LRMDA: variants seen among roughly 807,000 people sequenced by gnomAD.
LRMDA encodes leucine rich melanocyte differentiation associated.
In LRMDA, 18 loss-of-function variants were observed where a neutral mutation model predicts 29.8. The ratio of observed to expected loss-of-function variants is 0.60; its 90% confidence interval spans 0.42 to 0.90. The LOEUF is 0.90. Ranked by LOEUF, LRMDA falls within the 40% of genes least tolerant of loss-of-function variation. LRMDA has a pLI of 0.00. For synonymous variants in LRMDA, 125 were observed against 109.4 expected (o/e 1.14, Z -0.89); for missense variants, 273 against 273.9 (o/e 1.00, Z 0.02).
intron 6 of LRMDA, among the ~76,000 whole-genome samples, chr10:76,462,832 T>C (rs537257324): frequency 2.0e-5 from 3 of 152,264 alleles, no homozygotes; most frequent in Admixed American, 2.0e-4. Context: ...CAGCGAGTGT[T>C]TCCTATAGTG....
intron 5 of LRMDA, among the ~76,000 whole-genome samples, chr10:76,265,455 G>A (rs1247471): frequency 0.57 from 86,186 of 151,968 alleles, 25,478 homozygotes; most frequent in East Asian, 0.79. Context: ...CAGCGCAGCC[G>A]AATTCTGCCT....
At chr10:75,728,201 C>G (rs1159598192) in intron 2 of LRMDA, among the ~76,000 whole-genome samples, 2 of 152,088 alleles carry the variant, frequency 1.3e-5, no homozygotes, top group African/African-American at 4.8e-5. Context: ...GTGCTTTTTT[C>G]CATGACACTA....
intron 6 of LRMDA, among the ~76,000 whole-genome samples, chr10:76,377,438 T>C (rs754850631): frequency 2.0e-5 from 3 of 152,214 alleles, no homozygotes; most frequent in Non-Finnish European, 2.9e-5. Flanking sequence ...TGCATTTGAT[T>C]TGGGGCTCTT....
At chr10:75,978,528 G>A (rs1053444430) in intron 2 of LRMDA, among the ~76,000 whole-genome samples, 3 of 152,144 alleles carry the variant, frequency 2.0e-5, no homozygotes, top group African/African-American at 7.2e-5. Context: ...AAAGGAAAAT[G>A]GAATCGTTTA....
At chr10:75,737,867 TGA>T (rs1446526135) in intron 2 of LRMDA, among the ~76,000 whole-genome samples, 4 of 152,128 alleles carry the variant, frequency 2.6e-5, no homozygotes, top group Admixed American at 1.3e-4. Context: ...CTGGGTGAAG[TGA>T]GTTTTTACAG....
chr10:75,726,315 T>C (rs1372374017), intron 2 of LRMDA, among the ~76,000 whole-genome samples: 1 of 152,168 alleles, frequency 6.6e-6, no homozygotes, highest in Non-Finnish European at 1.5e-5. Flanking sequence ...CCCAGTGGTA[T>C]AGTTAAGGAC....
At chr10:76,398,485 A>T (rs1374914516) in intron 6 of LRMDA, among the ~76,000 whole-genome samples, 1 of 152,170 alleles carries the variant, frequency 6.6e-6, no homozygotes, top group East Asian at 1.9e-4. Flanking sequence ...ACGACCCTCA[A>T]AGGGGCAATT....
At chr10:76,336,768 T>C (rs10824403) in intron 6 of LRMDA, among the ~76,000 whole-genome samples, 16,094 of 152,246 alleles carry the variant, frequency 0.11, 1,000 homozygotes, top group East Asian at 0.32. Flanking sequence ...ATTAGCTCTT[T>C]ATTCCTTTAT....
intron 2 of LRMDA, among the ~76,000 whole-genome samples, chr10:75,934,717 G>A (rs1846259487): frequency 6.6e-6 from 1 of 152,156 alleles, no homozygotes; most frequent in Admixed American, 6.5e-5. Flanking sequence ...TGGTGTTGAT[G>A]TCAGTTTCCT....
At chr10:75,597,817 TG>T (rs1395250553) in intron 2 of LRMDA, among the ~76,000 whole-genome samples, 3 of 152,228 alleles carry the variant, frequency 2.0e-5, no homozygotes, top group African/African-American at 7.2e-5. Context: ...AATTACCTGC[TG>T]GGCCTGGGCG....
rs181080891 is a variant in LRMDA, at chr10:76,374,359, T to C, written c.601+49874T>C. ...GATTATTATACCAATGCCAGCATCC[T>C]AGAAAAAGAAGGTTAGATGGTTGCT... is the stretch of plus-strand genomic sequence containing the variant. On this transcript the variant is annotated intron_variant, in intron 6 of 6. Transcript: ENST00000611255. Among the ~76,000 whole-genome samples, 142 of 152,294 alleles carry C rather than the reference T, an allele frequency of 9.3e-4. 3 individuals are homozygous for C. Among genetic ancestry groups the C allele is most frequent in the African/African-American group, 3.4e-3 (140 of 41,574 alleles).
At chr10:75,511,309 T>C (rs1845223514) in intron 2 of LRMDA, among the ~76,000 whole-genome samples, 1 of 152,178 alleles carries the variant, frequency 6.6e-6, no homozygotes, top group East Asian at 1.9e-4. Context: ...CACTCCAGCC[T>C]GGGCAATAGA....
In LRMDA at chr10:75,466,638, G is replaced by T. The variant is rs576772978; in HGVS notation, c.131+28144G>T. On this transcript the variant is annotated intron_variant, in intron 2 of 6. Coordinates refer to ENST00000611255, the MANE Select transcript of LRMDA (RefSeq NM_001305581.2). Reference sequence around the variant, plus strand: ...TCTGGGCTCATTCCCTCCTGAAGGTGCAGGGCTTGGAGTGTCTTGGATAGG... The same window carrying T: ...TCTGGGCTCATTCCCTCCTGAAGGTTCAGGGCTTGGAGTGTCTTGGATAGG... Among the ~76,000 whole-genome samples, 21 of 152,264 alleles carry T rather than the reference G, an allele frequency of 1.4e-4. 1 individual carries two copies. In the South Asian group the frequency reaches 4.4e-3, roughly 32 times the overall value.
At chr10:76,423,308 C>T (rs951177904) in intron 6 of LRMDA, among the ~76,000 whole-genome samples, 1 of 152,104 alleles carries the variant, frequency 6.6e-6, no homozygotes, top group South Asian at 2.1e-4. Flanking sequence ...GTGGGAGGAT[C>T]GCTTCAGCCC....
chr10:76,129,842 A>G (rs1211482875), intron 5 of LRMDA, among the ~76,000 whole-genome samples: 6 of 152,200 alleles, frequency 3.9e-5, no homozygotes, highest in Non-Finnish European at 5.9e-5. Context: ...GTAGAAGTTC[A>G]TAGCAAGGGG....
chr10:76,349,245 C>T (rs903498828), intron 6 of LRMDA, among the ~76,000 whole-genome samples: 1 of 152,108 alleles, frequency 6.6e-6, no homozygotes, highest in Non-Finnish European at 1.5e-5. Flanking sequence ...CATTGCAGGT[C>T]AGTCTTTGCC....
At chr10:75,634,647 G>A (rs929083502) in intron 2 of LRMDA, among the ~76,000 whole-genome samples, 2 of 152,110 alleles carry the variant, frequency 1.3e-5, no homozygotes, top group Non-Finnish European at 2.9e-5. Flanking sequence ...TGAAAACAGA[G>A]GTATAAGGAA....
intron 2 of LRMDA, among the ~76,000 whole-genome samples, chr10:75,594,010 C>T (rs1840755310): frequency 6.6e-6 from 1 of 152,210 alleles, no homozygotes; most frequent in Admixed American, 6.5e-5. Flanking sequence ...CACCTTTTGA[C>T]CAGTTGTTCT....
intron 6 of LRMDA, among the ~76,000 whole-genome samples, chr10:76,519,129 T>C (rs111415706): frequency 0.047 from 7,207 of 152,064 alleles, 216 homozygotes; most frequent in African/African-American, 0.069. Context: ...GGCAACGTGG[T>C]GAAACCCCAT....
Sources: gnomAD v4.1 joint callset for allele counts (sites outside exome capture counted in the v4.1 genomes callset) on GRCh38, gnomAD v4.1.1 for gene constraint, MANE v1.5 for transcripts, NCBI Gene and HGNC (gene_info 2026-07-23, HGNC 2026-07-21) for gene names.